KIFAP3: variants seen among roughly 807,000 people sequenced by gnomAD.
KIFAP3 encodes kinesin-associated protein 3.
In KIFAP3, 68 loss-of-function variants were observed where a neutral mutation model predicts 106.5. The ratio of observed to expected loss-of-function variants is 0.64; its 90% CI spans 0.53 to 0.78. KIFAP3 has a LOEUF of 0.78. Among genes scored for constraint, KIFAP3 ranks in the 30% least tolerant of loss-of-function variants. The probability of loss-of-function intolerance (pLI) is 0.00; values close to 1 mark genes in which losing one functional copy is unlikely to be tolerated. For missense variants in KIFAP3, 780 were observed against 941.8 expected (o/e 0.83, Z 2.25); for synonymous variants, 320 against 311.5 (o/e 1.03, Z -0.29).
intron 3 of KIFAP3, chr1:170,041,962 G>A: frequency 1.2e-6 from 1 of 823,100 alleles, no homozygotes; most frequent in East Asian, 3.0e-5. Context: ...TTAGAGTTCT[G>A]ACTTATCAGG....
At chr1:169,958,013 T>C (rs1485718288) in intron 18 of KIFAP3, 2 of 152,246 alleles carry the variant, frequency 1.3e-5, no homozygotes. Flanking sequence ...ATGATCTCAC[T>C]ACCGATCAGC....
At chr1:170,069,234 A>T (rs1259627881) in intron 1 of KIFAP3, among the ~76,000 whole-genome samples, 1 of 152,146 alleles carries the variant, frequency 6.6e-6, no homozygotes, top group East Asian at 1.9e-4. Flanking sequence ...AAACCTTTCA[A>T]CAAGTCCAGT....
At chr1:170,074,372 C>T (rs994232940) in intron 1 of KIFAP3, 64 bp downstream of exon 1, 1 of 1,588,194 alleles carries the variant, frequency 6.3e-7, no homozygotes, top group Non-Finnish European at 8.6e-7. Context: ...ATCTCACAGC[C>T]AACCCAAGAA....
chr1:169,975,556 T>C (rs929625044), intron 16 of KIFAP3, among the ~76,000 whole-genome samples: 3 of 152,160 alleles, frequency 2.0e-5, no homozygotes, highest in African/African-American at 4.8e-5. Context: ...TTAAATGCCA[T>C]TGACATCAAC....
In KIFAP3 at chr1:170,046,834, T is replaced by C; in HGVS notation, c.197A>G (p.Asp66Gly). The change falls in exon 3 of 20, where the codon GAT (aspartate) becomes GGT (glycine). Residue 66 changes from aspartate (D) to glycine (G), a missense_variant. By Grantham distance (94) the Asp-to-Gly change is moderately conservative. Transcript: ENST00000361580. ...CACCTTCCTTGCCAGGGAAGTTATA[T>C]CTGTGTTGGCATTGAGACTCTTAAG... ...IRLKSLNANT[D>G]ITSLARKVVE... 2.5e-6 allele frequency: 4 copies of C among 1,610,332 alleles called. No individual in the cohort carries two copies. The highest frequency in any genetic ancestry group is 2.5e-6 in the Non-Finnish European group (3 of 1,178,170).
At chr1:169,960,312 A>G (rs557458257) in intron 18 of KIFAP3, among the ~76,000 whole-genome samples, 4 of 152,212 alleles carry the variant, frequency 2.6e-5, no homozygotes, top group African/African-American at 7.2e-5. Context: ...TCAACTTGCT[A>G]GAGATTTTAA....
At chr1:170,083,497 A>G (rs1454213184) in intron 1 of KIFAP3, among the ~76,000 whole-genome samples, 1 of 152,198 alleles carries the variant, frequency 6.6e-6, no homozygotes, top group Non-Finnish European at 1.5e-5. Context: ...GACCTTGGGC[A>G]AGTTAAACTC....
At chr1:170,079,282 G>A (rs139501148), upstream of KIFAP3, among the ~76,000 whole-genome samples, 313 of 152,122 alleles carry the variant, frequency 2.1e-3, 2 homozygotes, top group Admixed American at 7.3e-3. Flanking sequence ...CCCTTTCCCC[G>A]TCCATCTTGA....
chr1:170,045,164 G>C (rs1670178250), intron 3 of KIFAP3, among the ~76,000 whole-genome samples: 1 of 152,134 alleles, frequency 6.6e-6, no homozygotes, highest in South Asian at 2.1e-4. Flanking sequence ...AGTTGACATT[G>C]ACTTTACAGA....
intron 9 of KIFAP3, 41 bp downstream of exon 9, chr1:170,024,376 TG>T (rs772381701): frequency 3.8e-6 from 5 of 1,300,094 alleles, no homozygotes; most frequent in Admixed American, 2.4e-5. Flanking sequence ...AACTTGAAAA[TG>T]GCAAAAATGA....
chr1:169,982,647 A>T, intron 14 of KIFAP3, 55 bp downstream of exon 14: 1 of 1,242,218 alleles, frequency 8.1e-7, no homozygotes, highest in South Asian at 1.7e-5. Flanking sequence ...AGCCTTATCC[A>T]TAACAGAAAG....
At chr1:169,951,378 A>C (rs1253187794) in intron 19 of KIFAP3, among the ~76,000 whole-genome samples, 1 of 151,926 alleles carries the variant, frequency 6.6e-6, no homozygotes, top group East Asian at 1.9e-4. Context: ...GATTTGAAAA[A>C]CAGTCTATAG....
At chr1:170,041,673 C>T (rs967120425) in intron 3 of KIFAP3, 26 of 1,533,938 alleles carry the variant, frequency 1.7e-5, no homozygotes, top group Non-Finnish European at 2.0e-5. Flanking sequence ...AAGGCATTAC[C>T]GACCTTCACA....
At chr1:170,026,046 C>T (rs1200452869) in intron 8 of KIFAP3, among the ~76,000 whole-genome samples, 1 of 151,974 alleles carries the variant, frequency 6.6e-6, no homozygotes, top group Non-Finnish European at 1.5e-5. Context: ...TAACAGAGAC[C>T]GACAGAGTGG....
At chr1:169,949,337 GA>G (rs1664612736) in intron 19 of KIFAP3, among the ~76,000 whole-genome samples, 1 of 151,974 alleles carries the variant, frequency 6.6e-6, no homozygotes, top group Non-Finnish European at 1.5e-5. Context: ...TGACCCCACT[GA>G]AATGGTCAGT....
chr1:169,936,652 A>G, intron 19 of KIFAP3, among the ~76,000 whole-genome samples: 1 of 151,636 alleles, frequency 6.6e-6, no homozygotes, highest in East Asian at 1.9e-4. Flanking sequence ...CATTCTCTAA[A>G]TTTTGTGTGT....
chr1:170,057,506 A>G (rs185891419), intron 1 of KIFAP3, among the ~76,000 whole-genome samples: 2 of 152,196 alleles, frequency 1.3e-5, no homozygotes, highest in Non-Finnish European at 2.9e-5. Context: ...ACTTACAAGA[A>G]GTAGTCACTT....
chr1:170,059,566 C>T (rs1319896562), intron 1 of KIFAP3, among the ~76,000 whole-genome samples: 1 of 152,144 alleles, frequency 6.6e-6, no homozygotes, highest in Non-Finnish European at 1.5e-5. Context: ...GATGGATTCA[C>T]AGCCGAATTC....
At chr1:169,959,605 T>G (rs1243014109) in intron 18 of KIFAP3, among the ~76,000 whole-genome samples, 1 of 152,160 alleles carries the variant, frequency 6.6e-6, no homozygotes. Context: ...GTGGTATAAC[T>G]GTTTAGAAAT....
Sources: gnomAD v4.1 joint callset for allele counts (sites outside exome capture counted in the v4.1 genomes callset) on GRCh38, gnomAD v4.1.1 for gene constraint, MANE v1.5 for transcripts, NCBI Gene and HGNC (gene_info 2026-07-23, HGNC 2026-07-21) for gene names.